The following KLC1 variants were observed in gnomAD, a reference collection of about 807,000 sequenced individuals.
KLC1 encodes kinesin light chain 1, also known as kinesin 2 60/70kDa.
A neutral mutation model predicts 84.2 loss-of-function variants in KLC1; 30 were observed. The observed-to-expected ratio is 0.36, with a 90% CI of 0.27 to 0.48. KLC1 has a LOEUF of 0.48. KLC1 is among the 20% of genes least tolerant of loss of function. KLC1 has a pLI of 0.99. For missense variants in KLC1, 499 were observed against 805.4 expected (o/e 0.62, Z 4.60); for synonymous variants, 289 against 293.3 (o/e 0.99, Z 0.15).
chr14:103,685,649 C>T (rs765772783), intron 13 of KLC1: 9 of 1,289,444 alleles, frequency 7.0e-6, no homozygotes, highest in African/African-American at 1.5e-5. Flanking sequence ...CCTAGCCGCC[C>T]GTGACTCTCA....
Position 103,636,153 on chromosome 14 carries a change from C to T in KLC1, c.-2+6659C>T, listed in dbSNP as rs2077027699. 2.0e-5 allele frequency among the ~76,000 whole-genome samples: 3 copies of T among 152,122 alleles called. No individual in the cohort carries two copies. In the South Asian group the frequency reaches 6.2e-4, roughly 32 times the overall value. On this transcript the variant is annotated intron_variant, in intron 1 of 16. Coordinates refer to ENST00000334553, the MANE Select transcript of KLC1 (RefSeq NM_001394837.1). ...AGCCCCCAAATACTGATATCTCCTC[C>T]TCCCTCGCCCTCCCCCGGTAACCAT...
intron 13 of KLC1, among the ~76,000 whole-genome samples, chr14:103,680,065 T>C (rs1294784926): frequency 6.6e-6 from 1 of 152,240 alleles, no homozygotes; most frequent in East Asian, 1.9e-4. Context: ...CTGAGCGTCC[T>C]GCATTTCCCC....
chr14:103,691,887 C>T (rs908935679), intron 14 of KLC1, among the ~76,000 whole-genome samples: 1 of 152,152 alleles, frequency 6.6e-6, no homozygotes, highest in Non-Finnish European at 1.5e-5. Context: ...TCCTCCACTT[C>T]TGCCTCCTGA....
At position 103,641,177 on chromosome 14, in the gene KLC1, G is replaced by A. The variant is rs189910170; in HGVS notation, c.-2+11683G>A. Among the ~76,000 whole-genome samples, 190 of 152,178 alleles carry A rather than the reference G, an allele frequency of 1.2e-3. 2 individuals are homozygous for A. The highest frequency in any genetic ancestry group is 3.8e-3 in the Admixed American group (58 of 15,260). On this transcript the variant is annotated intron_variant, in intron 1 of 16. Coordinates refer to ENST00000334553, the MANE Select transcript of KLC1 (RefSeq NM_001394837.1). Reference sequence around the variant, plus strand: ...TGCCCTTAAGTGATCCACCTGCCTCGGCCTCCCAGTGTTGGGATCACAGGT... The same window carrying A: ...TGCCCTTAAGTGATCCACCTGCCTCAGCCTCCCAGTGTTGGGATCACAGGT...
intron 1 of KLC1, among the ~76,000 whole-genome samples, chr14:103,643,485 A>G (rs1233019862): frequency 1.4e-4 from 22 of 152,234 alleles, no homozygotes. Context: ...AAATATTTGA[A>G]AAGATTTATT....
intron 1 of KLC1, among the ~76,000 whole-genome samples, chr14:103,645,655 C>T (rs562733534): frequency 1.3e-5 from 2 of 152,256 alleles, no homozygotes; most frequent in South Asian, 4.1e-4. Flanking sequence ...AGGCTAAAAA[C>T]CCATACAGTA....
At chr14:103,647,921 G>A (rs1285768761) in intron 1 of KLC1, among the ~76,000 whole-genome samples, 3 of 151,422 alleles carry the variant, frequency 2.0e-5, no homozygotes, top group Non-Finnish European at 4.4e-5. Flanking sequence ...GTCCCAGTGG[G>A]TAGTTTGTAA....
intron 1 of KLC1, among the ~76,000 whole-genome samples, chr14:103,644,283 G>A (rs1555419333): frequency 6.8e-6 from 1 of 146,692 alleles, no homozygotes; most frequent in South Asian, 2.2e-4. Flanking sequence ...TTTTTGAGAT[G>A]GAATCTCGCT....
At chr14:103,659,353 C>T (rs2079100520) in intron 3 of KLC1, among the ~76,000 whole-genome samples, 1 of 152,178 alleles carries the variant, frequency 6.6e-6, no homozygotes. Flanking sequence ...ACCCTCCTCT[C>T]AAGTTTCCAA....
At chr14:103,647,016 T>C (rs1047745058) in intron 1 of KLC1, among the ~76,000 whole-genome samples, 9 of 152,156 alleles carry the variant, frequency 5.9e-5, no homozygotes, top group African/African-American at 1.9e-4. Context: ...TTGTCAGAGC[T>C]GAGTGGTAGA....
chr14:103,680,444 T>C (rs2081260524), intron 13 of KLC1, among the ~76,000 whole-genome samples: 2 of 152,216 alleles, frequency 1.3e-5, no homozygotes, highest in Admixed American at 1.3e-4. Context: ...AATTGTAGTT[T>C]TGGGCTTTCT....
intron 1 of KLC1, among the ~76,000 whole-genome samples, chr14:103,640,562 G>A (rs1385005804): frequency 2.0e-5 from 3 of 151,750 alleles, no homozygotes; most frequent in Non-Finnish European, 2.9e-5. Context: ...GGGTTTCACC[G>A]TGTTAACCAG....
At chr14:103,637,970 C>T (rs1301246327) in intron 1 of KLC1, among the ~76,000 whole-genome samples, 11 of 152,080 alleles carry the variant, frequency 7.2e-5, no homozygotes, top group South Asian at 4.2e-4. Flanking sequence ...GGATTACAGA[C>T]GTAAGCCACT....
rs1333128243 is a variant in KLC1 at position 103,701,514 on chromosome 14, A to T, written c.*315A>T. 3 of 368,308 alleles carry T rather than the reference A, an allele frequency of 8.1e-6. No individual in the cohort carries two copies. Among genetic ancestry groups the T allele is most frequent in the Non-Finnish European group, 1.5e-5 (3 of 204,954 alleles). The allele number at this position is 368,308 out of a possible 1,614,324, so 22.8% of individuals were successfully genotyped here. ...TGTGCGATAACGTATTTTATTGTACATTTTTTTAAATTAAAAGTTTATATG... is the reference window on the plus strand; with the variant it reads ...TGTGCGATAACGTATTTTATTGTACTTTTTTTTAAATTAAAAGTTTATATG... On this transcript the variant is annotated 3_prime_UTR_variant, in exon 17 of 17. Coordinates refer to ENST00000334553, the MANE Select transcript of KLC1 (RefSeq NM_001394837.1).
chr14:103,648,504 C>G (rs1433570506), intron 1 of KLC1, among the ~76,000 whole-genome samples: 2 of 152,052 alleles, frequency 1.3e-5, no homozygotes, highest in Non-Finnish European at 2.9e-5. Context: ...GACTTGTGGC[C>G]TGGCATGGTG....
intron 14 of KLC1, among the ~76,000 whole-genome samples, chr14:103,691,452 G>A (rs555688337): frequency 4.7e-5 from 6 of 126,912 alleles, no homozygotes; most frequent in South Asian, 2.7e-4. Context: ...GAGCCACCAC[G>A]CCTGGCTTTT....
chr14:103,663,583 C>T (rs2079483548), intron 5 of KLC1, among the ~76,000 whole-genome samples: 1 of 152,224 alleles, frequency 6.6e-6, no homozygotes, highest in African/African-American at 2.4e-5. Context: ...CGGTGTCTTC[C>T]TGCCTTCTGA....
Position 103,679,371 on chromosome 14 carries a change from GCCT to G in KLC1, c.1489-12_1489-10del, listed in dbSNP as rs2081179757. 1 of 1,611,196 alleles carries G rather than the reference GCCT, an allele frequency of 6.2e-7. No individual in the cohort carries two copies. The highest frequency in any genetic ancestry group is 2.2e-5 in the East Asian group (1 of 44,740). On this transcript the variant is annotated splice_polypyrimidine_tract_variant and intron_variant, in intron 12 of 16. Coordinates refer to ENST00000334553, the MANE Select transcript of KLC1 (RefSeq NM_001394837.1). ...CTAATGGGTCAAACCATTTTCCCCT[GCCT>G]GGCTCACAGGGTCTTGACAATGTTC...
intron 7 of KLC1, among the ~76,000 whole-genome samples, chr14:103,672,020 C>T (rs2080427459): frequency 6.6e-6 from 1 of 152,174 alleles, no homozygotes; most frequent in Non-Finnish European, 1.5e-5. Flanking sequence ...CATGTAGTTC[C>T]TCCCACTAGG....
Sources: gnomAD v4.1 joint callset for allele counts (sites outside exome capture counted in the v4.1 genomes callset) on GRCh38, gnomAD v4.1.1 for gene constraint, MANE v1.5 for transcripts, NCBI Gene and HGNC (gene_info 2026-07-23, HGNC 2026-07-21) for gene names.